TMEM62: variants seen among roughly 807,000 people sequenced by gnomAD.
TMEM62 encodes the protein transmembrane protein 62.
TMEM62 carries 41 observed loss-of-function variants against 70.4 expected under a neutral mutation model. The ratio of observed to expected loss-of-function variants is 0.58; its 90% CI spans 0.45 to 0.76. The LOEUF is 0.76. Among genes scored for constraint, TMEM62 ranks in the 30% least tolerant of loss-of-function variants. The pLI is 0.00. For synonymous variants in TMEM62, 268 were observed against 291.0 expected, an observed-to-expected ratio of 0.92 and a Z score of 0.80; for missense variants, 688 against 788.5, an observed-to-expected ratio of 0.87 and a Z score of 1.53.
intron 4 of TMEM62, among the ~76,000 whole-genome samples, chr15:43,144,076 G>A (rs983189880): frequency 1.3e-5 from 2 of 152,194 alleles, no homozygotes; most frequent in Non-Finnish European, 2.9e-5. Flanking sequence ...ATCACTATGA[G>A]AAATTAGAAA....
chr15:43,184,382 C>G lies in TMEM62; in HGVS notation c.1728C>G (p.His576Gln). ...AATACTTGAAAATTATGCCTGTTCA[C>G]CTACTTATGCTACTGCTGTACATCT... ...QRKYLKIMPV[H>Q]LLMLLLYIWQ... The change falls in exon 14 of 14, where the codon CAC becomes CAG. Residue 576 changes from histidine to glutamine, a missense_variant. Coordinates refer to ENST00000260403, the MANE Select transcript of TMEM62 (RefSeq NM_024956.4). 1 of 1,614,200 alleles carries G rather than the reference C, an allele frequency of 6.2e-7. No individual in the cohort carries two copies. Among genetic ancestry groups the G allele is most frequent in the African/African-American group, 1.3e-5 (1 of 75,052 alleles).
chr15:43,149,702 G>A (rs1280338418), intron 7 of TMEM62, among the ~76,000 whole-genome samples: 3 of 152,098 alleles, frequency 2.0e-5, no homozygotes, highest in Non-Finnish European at 4.4e-5. Flanking sequence ...GATTACAGGC[G>A]TGAGCCATGG....
intron 6 of TMEM62, 42 bp downstream of exon 6, chr15:43,148,921 T>A: frequency 1.2e-6 from 2 of 1,603,012 alleles, no homozygotes; most frequent in Non-Finnish European, 1.7e-6. Flanking sequence ...TGTTTTTAGT[T>A]TTTTTATTTT....
intron 9 of TMEM62, 115 bp from the exon 10 acceptor site, chr15:43,160,566 A>G: frequency 1.6e-6 from 1 of 624,392 alleles, no homozygotes; most frequent in Non-Finnish European, 2.7e-6. Context: ...AACAACAACA[A>G]CAATAACAAC....
chr15:43,172,584 G>A (rs977481159), intron 11 of TMEM62, among the ~76,000 whole-genome samples: 1 of 152,082 alleles, frequency 6.6e-6, no homozygotes, highest in Non-Finnish European at 1.5e-5. Flanking sequence ...TGACCTTTTG[G>A]TCAAATCCTG....
intron 10 of TMEM62, chr15:43,168,938 T>C (rs1487005441): frequency 6.6e-6 from 1 of 152,326 alleles, no homozygotes; most frequent in African/African-American, 2.4e-5. Context: ...CCAGCTTAAA[T>C]GCTCCCTCTG....
At chr15:43,170,770 TAGGA>T (rs1156596366) in intron 11 of TMEM62, among the ~76,000 whole-genome samples, 4 of 152,018 alleles carry the variant, frequency 2.6e-5, no homozygotes, top group African/African-American at 9.7e-5. Context: ...TAATCAGACA[TAGGA>T]AGAGCATGCA....
chr15:43,133,701 C>G lies in TMEM62; in HGVS notation c.-102C>G. 1 of 840,678 alleles carries G rather than the reference C, an allele frequency of 1.2e-6. No individual in the cohort carries two copies. Among genetic ancestry groups the G allele is most frequent in the Non-Finnish European group, 1.6e-6 (1 of 627,754 alleles). The allele number at this position is 840,678 out of a possible 1,614,324, so 52.1% of individuals were successfully genotyped here. A position where few individuals can be genotyped will look rare whatever the true frequency, so the allele number is the denominator to read the frequency against. ...CGCCGGCCCCGCATCCAGCTCTGGC[C>G]CTGCGACAATAGAGTCCGGAAGTGC... On this transcript the variant is annotated 5_prime_UTR_variant, in exon 1 of 14. Transcript: ENST00000260403.
Position 43,135,574 on chromosome 15 carries a change from C to G in TMEM62, c.355C>G (p.Gln119Glu). Residue 119 changes from glutamine (Q) to glutamate (E), a missense_variant, in exon 3 of 14, where the codon CAA (glutamine) becomes GAA (glutamate). Physicochemically the swap from Gln to Glu is conservative, Grantham distance 29. Transcript: ENST00000260403. ...ATCCAGGCAGCATGAGGTAGAATGG[C>G]AAACCTACCAGGGTATTCTGAAGAA... ...LGSRQHEVEW[Q>E]TYQGILKKTR... is the part of the protein sequence containing the mutation. 6.2e-7 allele frequency: 1 copy of G among 1,611,486 alleles called. No homozygotes were observed. Among genetic ancestry groups the G allele is most frequent in the East Asian group, 2.2e-5 (1 of 44,756 alleles).
At chr15:43,182,581 G>A (rs1161531158) in intron 13 of TMEM62, among the ~76,000 whole-genome samples, 3 of 151,792 alleles carry the variant, frequency 2.0e-5, no homozygotes, top group African/African-American at 4.8e-5. Flanking sequence ...AGCCTCCCAT[G>A]TAGCTGGGGT....
rs1166706079 is a variant in TMEM62 at position 43,139,747 on chromosome 15, G to A, written c.476+1128G>A. ...CCTAACTCCCTTCAATTCTATGAAG[G>A]CTGAGAGAGGTAAGGAAGCAGCAGA... On this transcript the variant is annotated intron_variant, in intron 4 of 13. Coordinates refer to ENST00000260403, the MANE Select transcript of TMEM62 (RefSeq NM_024956.4). 2.0e-5 allele frequency among the ~76,000 whole-genome samples: 3 copies of A among 152,282 alleles called. No individual in the cohort carries two copies. The East Asian group carries it at 5.8e-4, about 29-fold the overall frequency.
In TMEM62 at chr15:43,185,080, C is replaced by T. The variant is rs1287628236; in HGVS notation, c.*494C>T. The T allele has an allele frequency of 3.9e-6, 1 of 255,548 alleles. No individual in the cohort carries two copies. Among genetic ancestry groups the T allele is most frequent in the Non-Finnish European group, 7.6e-6 (1 of 131,016 alleles). 15.8% of individuals were successfully genotyped at this position (255,548 alleles called of 1,614,324 possible). On this transcript the variant is annotated 3_prime_UTR_variant, in exon 14 of 14. Transcript: ENST00000260403. ...CTGTTTTCCCACAGGATTGTGGGCT[C>T]TCTGCTTCCTTAGTCGGAAGTGTTT...
rs567886785 is a variant in TMEM62, at chr15:43,165,176, C to CT, written c.1296+4385dup. 4.1e-4 allele frequency among the ~76,000 whole-genome samples: 63 copies of CT among 151,854 alleles called. 1 individual carries two copies. In the South Asian group the frequency reaches 5.4e-3, roughly 13 times the overall value. On this transcript the variant is annotated intron_variant, in intron 10 of 13. Transcript: ENST00000260403. ...ACTCTGATCTCTCTCTGTACCTCCT[C>CT]TTTAAGGCCAATAACTCTTAGATTT...
chr15:43,147,510 G>A (rs938575402), intron 5 of TMEM62, among the ~76,000 whole-genome samples: 2 of 152,160 alleles, frequency 1.3e-5, no homozygotes, highest in Non-Finnish European at 2.9e-5. Flanking sequence ...TAGACTCTTA[G>A]AGTATTTAAT....
chr15:43,165,412 A>C (rs1371879926), intron 10 of TMEM62, among the ~76,000 whole-genome samples: 1 of 152,146 alleles, frequency 6.6e-6, no homozygotes, highest in Non-Finnish European at 1.5e-5. Flanking sequence ...TTGATTTTTT[A>C]AAATTATTGT....
intron 10 of TMEM62, among the ~76,000 whole-genome samples, chr15:43,161,901 A>G (rs1474178672): frequency 1.3e-5 from 2 of 151,962 alleles, no homozygotes; most frequent in Non-Finnish European, 2.9e-5. Context: ...ACCTCAGGCA[A>G]TCCACCCGCC....
chr15:43,173,093 T>C (rs1292984480), intron 11 of TMEM62, among the ~76,000 whole-genome samples: 2 of 152,238 alleles, frequency 1.3e-5, no homozygotes, highest in South Asian at 2.1e-4. Context: ...CCGGGTGTGG[T>C]GGCATGCACC....
At chr15:43,167,175 C>G (rs1259500349) in intron 10 of TMEM62, among the ~76,000 whole-genome samples, 2 of 151,106 alleles carry the variant, frequency 1.3e-5, no homozygotes, top group Non-Finnish European at 3.0e-5. Flanking sequence ...CTGACCCCCC[C>G]ACCTCCCTCC....
chr15:43,150,000 C>G lies in TMEM62; in HGVS notation c.866+849C>G, dbSNP rs979490916. ...GAAGTATTTAAGTGAAATAGTTTATCAAGTTTTGAGGAGTATCATCTTATT... is the reference window on the plus strand; with the variant it reads ...GAAGTATTTAAGTGAAATAGTTTATGAAGTTTTGAGGAGTATCATCTTATT... On this transcript the variant is annotated intron_variant, in intron 7 of 13. Coordinates refer to ENST00000260403, the MANE Select transcript of TMEM62 (RefSeq NM_024956.4). 9.2e-5 allele frequency among the ~76,000 whole-genome samples: 14 copies of G among 151,964 alleles called. 1 individual carries two copies. The highest frequency in any genetic ancestry group is 8.5e-4 in the Admixed American group (13 of 15,246).
Sources: allele counts gnomAD v4.1 joint callset (sites outside exome capture counted in the v4.1 genomes callset), GRCh38; gene constraint gnomAD v4.1.1; transcripts MANE v1.5; gene names NCBI Gene and HGNC (gene_info 2026-07-23, HGNC 2026-07-21).